Variants in EXOC4 observed in about 807,000 individuals in gnomAD.
The protein encoded by EXOC4 is SEC8-like 1.
In EXOC4, 71 loss-of-function variants were observed where a neutral mutation model predicts 107.2. The observed-to-expected ratio is 0.66, with a 90% confidence interval of 0.55 to 0.81. EXOC4 has a LOEUF of 0.81. Ranked by LOEUF, EXOC4 falls within the 30% of genes least tolerant of loss-of-function variation. The pLI, the probability that EXOC4 is intolerant of heterozygous loss-of-function variation, is 0.00. For missense variants in EXOC4, 1,108 were observed against 1,189.6 expected (o/e 0.93, Z 1.01); for synonymous variants, 456 against 441.2 (o/e 1.03, Z -0.42).
chr7:133,592,438 T>C (rs1003884854), intron 9 of EXOC4, among the ~76,000 whole-genome samples: 3 of 152,182 alleles, frequency 2.0e-5, no homozygotes, highest in Admixed American at 6.5e-5. Flanking sequence ...TTGGTAGTTA[T>C]TAATTTTTTT....
intron 11 of EXOC4, among the ~76,000 whole-genome samples, chr7:133,864,080 G>T (rs1344191245): frequency 6.6e-6 from 1 of 152,084 alleles, no homozygotes; most frequent in Non-Finnish European, 1.5e-5. Flanking sequence ...ATCTCTGATG[G>T]CTAATTTGCA....
rs572939398 is a variant in EXOC4 at position 133,663,450 on chromosome 7, T to C, written c.1514+33309T>C. Reference sequence around the variant, plus strand: ...TGGACCACTTCACTGAACCCCAGCCTTAAATGCCTTTTGCTTAACATGTCC... The same window carrying C: ...TGGACCACTTCACTGAACCCCAGCCCTAAATGCCTTTTGCTTAACATGTCC... On this transcript the variant is annotated intron_variant, in intron 10 of 17. Coordinates refer to ENST00000253861, the MANE Select transcript of EXOC4 (RefSeq NM_021807.4). Among the ~76,000 whole-genome samples the C allele has an allele frequency of 1.1e-4, 16 of 152,306 alleles. No individual in the cohort carries two copies. The East Asian group carries it at 3.1e-3, about 29-fold the overall frequency.
At chr7:133,729,366 G>A (rs1330896029) in intron 10 of EXOC4, among the ~76,000 whole-genome samples, 1 of 152,086 alleles carries the variant, frequency 6.6e-6, no homozygotes, top group Non-Finnish European at 1.5e-5. Context: ...AATTGTTAAA[G>A]CAATGCTATT....
chr7:133,480,161 A>G (rs753221519), intron 9 of EXOC4, 23 bp downstream of exon 9: 3 of 1,611,932 alleles, frequency 1.9e-6, no homozygotes, highest in African/African-American at 2.7e-5. Context: ...GCTTCTCTGG[A>G]AAAATTAATT....
At chr7:133,944,338 T>C (rs555368352) in intron 14 of EXOC4, among the ~76,000 whole-genome samples, 2 of 152,298 alleles carry the variant, frequency 1.3e-5, no homozygotes, top group African/African-American at 2.4e-5. Flanking sequence ...TTTTGTGACC[T>C]TGAGAGTTAT....
At chr7:133,704,610 T>C (rs1794730011) in intron 10 of EXOC4, among the ~76,000 whole-genome samples, 1 of 152,248 alleles carries the variant, frequency 6.6e-6, no homozygotes, top group South Asian at 2.1e-4. Flanking sequence ...CTGTCCTTGC[T>C]GCATCTGGCC....
chr7:133,591,604 G>A (rs1346918092), intron 9 of EXOC4, among the ~76,000 whole-genome samples: 1 of 151,268 alleles, frequency 6.6e-6, no homozygotes, highest in Non-Finnish European at 1.5e-5. Flanking sequence ...GTATTTTCTA[G>A]CAACACTGTC....
chr7:133,736,896 G>A (rs936210343), intron 10 of EXOC4, among the ~76,000 whole-genome samples: 1 of 152,150 alleles, frequency 6.6e-6, no homozygotes, highest in African/African-American at 2.4e-5. Context: ...ATATATCATT[G>A]GCATTCTTGT....
At chr7:133,836,241 T>G (rs1797915506) in intron 11 of EXOC4, among the ~76,000 whole-genome samples, 1 of 152,220 alleles carries the variant, frequency 6.6e-6, no homozygotes, top group Non-Finnish European at 1.5e-5. Context: ...GCATTGGTAT[T>G]CTCTATCATA....
At chr7:133,383,882 T>C (rs1796671117) in intron 7 of EXOC4, among the ~76,000 whole-genome samples, 1 of 152,192 alleles carries the variant, frequency 6.6e-6, no homozygotes, top group Non-Finnish European at 1.5e-5. Flanking sequence ...GCCAGGCCAT[T>C]GAATCTCCAC....
At chr7:133,397,898 G>A (rs1043467734) in intron 7 of EXOC4, among the ~76,000 whole-genome samples, 7 of 152,098 alleles carry the variant, frequency 4.6e-5, no homozygotes, top group Admixed American at 1.3e-4. Flanking sequence ...TTCTTAGTTT[G>A]TAGGTGACAA....
chr7:134,038,669 C>T (rs1385526047), intron 17 of EXOC4, among the ~76,000 whole-genome samples: 1 of 152,076 alleles, frequency 6.6e-6, no homozygotes, highest in Non-Finnish European at 1.5e-5. Context: ...ACCTTATGTT[C>T]CTTCGCTATC....
At chr7:133,620,365 C>T (rs1802301548) in intron 9 of EXOC4, among the ~76,000 whole-genome samples, 2 of 152,060 alleles carry the variant, frequency 1.3e-5, no homozygotes, top group Admixed American at 6.6e-5. Flanking sequence ...AAACAAAAAA[C>T]CTAGCATTAG....
chr7:133,692,499 C>G (rs879645181), intron 10 of EXOC4, among the ~76,000 whole-genome samples: 3 of 152,112 alleles, frequency 2.0e-5, no homozygotes, highest in Non-Finnish European at 4.4e-5. Flanking sequence ...TATGGGAAAT[C>G]TCAGGAAATT....
chr7:133,645,788 A>G (rs1377500635), intron 10 of EXOC4, among the ~76,000 whole-genome samples: 1 of 152,124 alleles, frequency 6.6e-6, no homozygotes, highest in Non-Finnish European at 1.5e-5. Flanking sequence ...GTTGCTTTTG[A>G]TATCCAAATA....
intron 6 of EXOC4, among the ~76,000 whole-genome samples, chr7:133,358,746 C>T (rs892757370): frequency 6.6e-6 from 1 of 151,354 alleles, no homozygotes; most frequent in African/African-American, 2.4e-5. Context: ...ATTATAGTAC[C>T]TTTAAAAGCA....
chr7:133,364,468 A>C (rs1796207645), intron 6 of EXOC4, among the ~76,000 whole-genome samples: 1 of 152,084 alleles, frequency 6.6e-6, no homozygotes, highest in African/African-American at 2.4e-5. Context: ...AATAAGAAAA[A>C]GATGCAAATA....
intron 10 of EXOC4, among the ~76,000 whole-genome samples, chr7:133,667,898 CTG>C (rs1451898936): frequency 4.6e-5 from 7 of 152,190 alleles, no homozygotes; most frequent in Admixed American, 1.3e-4. Flanking sequence ...AAAAAATAGA[CTG>C]TGCAACCAAA....
intron 1 of EXOC4, among the ~76,000 whole-genome samples, chr7:133,262,934 T>C (rs1795186250): frequency 6.6e-6 from 1 of 152,200 alleles, no homozygotes; most frequent in Admixed American, 6.5e-5. Flanking sequence ...TAGGAGGTAA[T>C]TTAATCATGG....
Sources: allele counts gnomAD v4.1 joint callset (sites outside exome capture counted in the v4.1 genomes callset), GRCh38; gene constraint gnomAD v4.1.1; transcripts MANE v1.5; gene names NCBI Gene and HGNC (gene_info 2026-07-23, HGNC 2026-07-21).